NFAT5: variants seen among roughly 807,000 people sequenced by gnomAD.
NFAT5 encodes the protein nuclear factor of activated T-cells 5.
A neutral mutation model predicts 166.5 loss-of-function variants in NFAT5; 31 were observed. The ratio of observed to expected loss-of-function variants is 0.19; its 90% confidence interval spans 0.14 to 0.25. NFAT5 has a LOEUF of 0.25. Among genes scored for constraint, NFAT5 ranks in the 10% least tolerant of loss-of-function variants. NFAT5 has a pLI of 1.00. For synonymous variants in NFAT5, 612 were observed against 639.7 expected (o/e 0.96, Z 0.65); for missense variants, 1,449 against 1,821.8 (o/e 0.80, Z 3.72).
rs1028070764 is a variant in NFAT5, at chr16:69,696,588, A to G, written c.*237A>G. On this transcript the variant is annotated 3_prime_UTR_variant, in exon 15 of 15. Coordinates refer to ENST00000349945, the MANE Select transcript of NFAT5 (RefSeq NM_138713.4). ...TAATAACAGTGATGACTGAGAATCT[A>G]TTTGAGTTTCCAGCTGGCAGAATTA... 3 of 152,616 alleles carry G rather than the reference A, an allele frequency of 2.0e-5. No individual in the cohort carries two copies. The highest frequency in any genetic ancestry group is 7.2e-5 in the African/African-American group (3 of 41,464). 9.5% of individuals were successfully genotyped at this position (152,616 alleles called of 1,614,324 possible). A position where few individuals can be genotyped will look rare whatever the true frequency, so the allele number is the denominator to read the frequency against.
intron 3 of NFAT5, among the ~76,000 whole-genome samples, chr16:69,627,349 T>G (rs1307960766): frequency 5.8e-4 from 1 of 1,718 alleles, no homozygotes. Context: ...TATATATATA[T>G]ATATATATAT....
At chr16:69,652,171 G>T (rs2035697595) in intron 4 of NFAT5, among the ~76,000 whole-genome samples, 1 of 152,014 alleles carries the variant, frequency 6.6e-6, no homozygotes, top group African/African-American at 2.4e-5. Flanking sequence ...AAAAATAAGG[G>T]CCAGGTGCAG....
At chr16:69,658,998 G>A (rs1489200457) in intron 6 of NFAT5, among the ~76,000 whole-genome samples, 5 of 152,096 alleles carry the variant, frequency 3.3e-5, no homozygotes, top group South Asian at 2.1e-4. Context: ...ATCATTCAAT[G>A]TGGTAACATA....
chr16:69,678,546 A>G (rs1238143913), intron 10 of NFAT5, among the ~76,000 whole-genome samples: 3 of 152,180 alleles, frequency 2.0e-5, no homozygotes, highest in Non-Finnish European at 4.4e-5. Context: ...ATACCTATTT[A>G]TGAAGTGTCT....
chr16:69,690,897 T>G (rs748917347), intron 11 of NFAT5, 43 bp from the exon 12 acceptor site: 1 of 1,418,232 alleles, frequency 7.1e-7, no homozygotes, highest in South Asian at 1.7e-5. Context: ...GTTGGTAAAT[T>G]TTGTGATTTT....
intron 3 of NFAT5, among the ~76,000 whole-genome samples, chr16:69,635,257 C>T (rs1185393350): frequency 1.3e-5 from 2 of 151,962 alleles, no homozygotes; most frequent in Non-Finnish European, 2.9e-5. Flanking sequence ...GTGATCCGCC[C>T]ACCTCAGCCT....
chr16:69,573,550 A>C (rs1369047045), intron 2 of NFAT5, among the ~76,000 whole-genome samples: 2 of 152,170 alleles, frequency 1.3e-5, no homozygotes, highest in Admixed American at 6.5e-5. Flanking sequence ...GTATTATGGA[A>C]ATAATGAAGT....
At chr16:69,650,241 TG>T (rs2035609558) in intron 4 of NFAT5, among the ~76,000 whole-genome samples, 1 of 152,074 alleles carries the variant, frequency 6.6e-6, no homozygotes, top group African/African-American at 2.4e-5. Context: ...TTTTCCTTTT[TG>T]GTTGTCATTT....
At chr16:69,605,856 G>C (rs1433432743) in intron 2 of NFAT5, among the ~76,000 whole-genome samples, 1 of 152,042 alleles carries the variant, frequency 6.6e-6, no homozygotes, top group Non-Finnish European at 1.5e-5. Context: ...TGGGACTACA[G>C]GCGCCCGCCA....
At chr16:69,673,103 A>T (rs555345908) in intron 9 of NFAT5, among the ~76,000 whole-genome samples, 17 of 152,208 alleles carry the variant, frequency 1.1e-4, no homozygotes, top group South Asian at 4.1e-4. Flanking sequence ...TGCCAGCTAC[A>T]GTAGGTTAAA....
At chr16:69,583,696 A>G (rs1317205699) in intron 2 of NFAT5, among the ~76,000 whole-genome samples, 2 of 152,208 alleles carry the variant, frequency 1.3e-5, no homozygotes, top group Non-Finnish European at 2.9e-5. Flanking sequence ...TCTTAAGGGC[A>G]TTGACTATAC....
In NFAT5 at chr16:69,677,276, T is replaced by C; in HGVS notation, c.1631T>C (p.Val544Ala). The C allele has an allele frequency of 1.2e-6, 2 of 1,612,172 alleles. No individual in the cohort carries two copies. The highest frequency in any genetic ancestry group is 1.7e-6 in the Non-Finnish European group (2 of 1,179,092). The change falls in exon 10 of 15, where the codon GTA (valine) becomes GCA (alanine). Residue 544 changes from valine (V) to alanine (A), a missense_variant. By Grantham distance (64) the Val-to-Ala change is moderately conservative. Coordinates refer to ENST00000349945, the MANE Select transcript of NFAT5 (RefSeq NM_138713.4). Reference protein sequence around the residue: ...ITLPVSVGIYVVTNAGRSHDV... With the variant: ...ITLPVSVGIYAVTNAGRSHDV... ...TTGCCTGTGTCAGTGGGAATATATG[T>C]AGTGACAAATGCTGGAAGATCTCAT...
At chr16:69,577,167 T>G (rs1221291368) in intron 2 of NFAT5, among the ~76,000 whole-genome samples, 1 of 152,250 alleles carries the variant, frequency 6.6e-6, no homozygotes, top group Non-Finnish European at 1.5e-5. Flanking sequence ...TACATTTTGT[T>G]GTTCTGCTAT....
At chr16:69,590,501 T>C (rs1386474761) in intron 2 of NFAT5, among the ~76,000 whole-genome samples, 3 of 152,230 alleles carry the variant, frequency 2.0e-5, no homozygotes, top group African/African-American at 7.2e-5. Context: ...TGAATTTCAG[T>C]TTGAAAATAC....
At chr16:69,578,493 G>GTA (rs1182170209) in intron 2 of NFAT5, among the ~76,000 whole-genome samples, 2 of 152,120 alleles carry the variant, frequency 1.3e-5, no homozygotes, top group Non-Finnish European at 2.9e-5. Context: ...AAATTTGTTG[G>GTA]TAGAAGACTG....
At chr16:69,579,466 T>A (rs1016444032) in intron 2 of NFAT5, among the ~76,000 whole-genome samples, 5 of 152,156 alleles carry the variant, frequency 3.3e-5, no homozygotes, top group African/African-American at 7.2e-5. Flanking sequence ...TGCTTTTTTT[T>A]AAAACTAGGT....
At chr16:69,617,118 A>C (rs914525532) in intron 2 of NFAT5, among the ~76,000 whole-genome samples, 3 of 151,346 alleles carry the variant, frequency 2.0e-5, no homozygotes, top group African/African-American at 7.3e-5. Context: ...TAATTTTTCT[A>C]TTTTTAGTAG....
rs192830427 is a variant in NFAT5 at position 69,608,799 on chromosome 16, A to G, written c.128-17604A>G. 7.6e-4 allele frequency among the ~76,000 whole-genome samples: 114 copies of G among 150,556 alleles called. 1 individual carries two copies. The highest frequency in any genetic ancestry group is 1.3e-4 in the Non-Finnish European group (9 of 67,726). Reference sequence around the variant, plus strand: ...CCGGCTAATTTTTTGTTATGTAAATATAATTGTTTTTTCCTCTAGGTTGAA... The same window carrying G: ...CCGGCTAATTTTTTGTTATGTAAATGTAATTGTTTTTTCCTCTAGGTTGAA... On this transcript the variant is annotated intron_variant, in intron 2 of 14. Transcript: ENST00000349945.
At chr16:69,688,520 CT>C (rs1204625810) in intron 11 of NFAT5, among the ~76,000 whole-genome samples, 3 of 151,434 alleles carry the variant, frequency 2.0e-5, no homozygotes, top group Admixed American at 6.6e-5. Context: ...CCACACCTGG[CT>C]TTTTTTTATT....
Sources: allele counts gnomAD v4.1 joint callset (sites outside exome capture counted in the v4.1 genomes callset), GRCh38; gene constraint gnomAD v4.1.1; transcripts MANE v1.5; gene names NCBI Gene and HGNC (gene_info 2026-07-23, HGNC 2026-07-21).